Variants in ATXN3 observed in about 807,000 individuals in gnomAD.
ATXN3 encodes ataxin 3.
Under a neutral mutation model 58.2 loss-of-function variants are expected in ATXN3, and 28 were observed. The observed-to-expected ratio is 0.48, with a 90% confidence interval of 0.36 to 0.66. The LOEUF is 0.66. Among genes scored for constraint, ATXN3 ranks in the 30% least tolerant of loss-of-function variants. The pLI is 0.00. For missense variants in ATXN3, 321 were observed against 422.1 expected, an observed-to-expected ratio of 0.76 and a Z score of 2.10; for synonymous variants, 113 against 138.5, an observed-to-expected ratio of 0.82 and a Z score of 1.29.
At chr14:92,046,676 G>A (rs955571959) in intron 2 of ATXN3, among the ~76,000 whole-genome samples, 7 of 151,284 alleles carry the variant, frequency 4.6e-5, no homozygotes, top group African/African-American at 1.7e-4. Context: ...AGCTAGGTTT[G>A]CTTTTGTGAG....
At chr14:92,051,810 C>A (rs952788030), upstream of ATXN3, among the ~76,000 whole-genome samples, 2 of 143,748 alleles carry the variant, frequency 1.4e-5, no homozygotes, top group Non-Finnish European at 3.0e-5. Flanking sequence ...TCACTGCAAC[C>A]TTCGCCTCCC....
intron 9 of ATXN3, among the ~76,000 whole-genome samples, chr14:92,079,185 C>CA (rs35515547): frequency 0.49 from 37,881 of 76,618 alleles, 8,207 homozygotes; most frequent in East Asian, 0.56. Flanking sequence ...GACTCCATCT[C>CA]AAAAAAAAAA....
intron 5 of ATXN3, among the ~76,000 whole-genome samples, chr14:92,092,602 C>G (rs2064088797): frequency 1.3e-5 from 2 of 152,220 alleles, no homozygotes; most frequent in South Asian, 4.1e-4. Flanking sequence ...AATTAACTGA[C>G]AGAACATAGT....
chr14:92,089,332 CTTTT>C (rs1157498754), intron 5 of ATXN3, among the ~76,000 whole-genome samples: 5 of 60,758 alleles, frequency 8.2e-5, no homozygotes, highest in East Asian at 1.6e-3. Context: ...GCTAAATACT[CTTTT>C]TTTTTTTTTT....
In ATXN3 at chr14:92,088,808, A is replaced by T. The variant is rs758482810; in HGVS notation, c.397T>A (p.Leu133Met). Residue 133 changes from leucine (L) to methionine (M), a missense_variant, in exon 6 of 11, where the codon TTG becomes ATG. Leu to Met is a conservative substitution (Grantham distance 15). Coordinates refer to ENST00000644486, the MANE Select transcript of ATXN3 (RefSeq NM_004993.6). ...VRKLGKQWFN[L>M]NSLLTGPELI... ...TCTGGACCCGTCAAGAGAGAATTCA[A>T]GTTAAACCACTGGAAAAAAATTGTC... is the stretch of plus-strand genomic sequence containing the variant. 6.2e-7 allele frequency: 1 copy of T among 1,607,060 alleles called. No individual in the cohort carries two copies. The highest frequency in any genetic ancestry group is 8.5e-7 in the Non-Finnish European group (1 of 1,175,042).
chr14:92,066,531 G>A (rs943843200), intron 10 of ATXN3, among the ~76,000 whole-genome samples: 2 of 149,954 alleles, frequency 1.3e-5, no homozygotes, highest in Non-Finnish European at 3.0e-5. Context: ...AAGACAAATC[G>A]TTAATTTTCC....
At chr14:92,080,556 C>A (rs1169419843) in intron 9 of ATXN3, 1 of 185,562 alleles carries the variant, frequency 5.4e-6, no homozygotes, top group Non-Finnish European at 1.1e-5. Flanking sequence ...TTTTTGGAGA[C>A]GGAGTCTCAC....
chr14:92,104,959 C>T (rs748042622), intron 1 of ATXN3, among the ~76,000 whole-genome samples: 1 of 151,176 alleles, frequency 6.6e-6, no homozygotes, highest in African/African-American at 2.4e-5. Context: ...GTATTTTTCA[C>T]GCACTCTACT....
At chr14:92,071,856 A>G (rs756057085) in intron 9 of ATXN3, among the ~76,000 whole-genome samples, 13 of 152,206 alleles carry the variant, frequency 8.5e-5, no homozygotes, top group Non-Finnish European at 1.8e-4. Context: ...AAAAGTAGCC[A>G]CCTGACATTC....
At chr14:92,093,348 G>T in intron 4 of ATXN3, 30 bp from the exon 5 acceptor site, 1 of 1,077,034 alleles carries the variant, frequency 9.3e-7, no homozygotes, top group South Asian at 1.5e-5. Flanking sequence ...ATATTAACTT[G>T]AAATATTGAA....
intron 8 of ATXN3, among the ~76,000 whole-genome samples, chr14:92,081,479 A>G (rs1283451306): frequency 3.8e-4 from 57 of 150,062 alleles, no homozygotes; most frequent in Non-Finnish European, 1.3e-4. Flanking sequence ...AAAAAAAAAA[A>G]AAAAAAAGAA....
At chr14:92,079,185 C>CAAAAAAAA (rs35515547) in intron 9 of ATXN3, among the ~76,000 whole-genome samples, 5 of 77,044 alleles carry the variant, frequency 6.5e-5, no homozygotes, top group Middle Eastern at 7.7e-3. Flanking sequence ...GACTCCATCT[C>CAAAAAAAA]AAAAAAAAAA....
At chr14:92,064,497 T>C (rs890732163) in intron 10 of ATXN3, 83 bp from the exon 11 acceptor site, 5 of 1,010,560 alleles carry the variant, frequency 4.9e-6, no homozygotes, top group Admixed American at 2.2e-5. Context: ...AGAAAATGTA[T>C]TTCTATTTGA....
At chr14:92,051,810 C>T (rs952788030), upstream of ATXN3, among the ~76,000 whole-genome samples, 1 of 143,748 alleles carries the variant, frequency 7.0e-6, no homozygotes, top group Non-Finnish European at 1.5e-5. Context: ...TCACTGCAAC[C>T]TTCGCCTCCC....
intron 9 of ATXN3, among the ~76,000 whole-genome samples, chr14:92,073,849 AAAC>A (rs1357515949): frequency 6.6e-6 from 1 of 151,234 alleles, no homozygotes; most frequent in African/African-American, 2.4e-5. Flanking sequence ...AAAAAAAACA[AAAC>A]AAAAACAAAA....
intron 5 of ATXN3, chr14:92,090,448 T>G (rs1200239545): frequency 6.6e-6 from 1 of 152,140 alleles, no homozygotes; most frequent in Non-Finnish European, 1.5e-5. Context: ...GTAATCCTAA[T>G]TTAACCCACA....
intron 1 of ATXN3, among the ~76,000 whole-genome samples, chr14:92,097,200 C>G (rs1346271380): frequency 6.6e-6 from 1 of 151,260 alleles, no homozygotes; most frequent in African/African-American, 2.4e-5. Context: ...TGAGCCACTG[C>G]GCCCGGCTCC....
At chr14:92,048,066 G>A (rs1445550860) in intron 1 of ATXN3, 1 of 152,346 alleles carries the variant, frequency 6.6e-6, no homozygotes, top group African/African-American at 2.4e-5. Flanking sequence ...TGCCGGGTTG[G>A]ACAGTCCGAT....
intron 5 of ATXN3, among the ~76,000 whole-genome samples, chr14:92,091,773 C>CCCA (rs2063872427): frequency 3.3e-5 from 5 of 152,094 alleles, no homozygotes; most frequent in African/African-American, 1.2e-4. Context: ...TCATGATTCA[C>CCCA]TGCAGGCTTG....
Sources: allele counts gnomAD v4.1 joint callset (sites outside exome capture counted in the v4.1 genomes callset), GRCh38; gene constraint gnomAD v4.1.1; transcripts MANE v1.5; gene names NCBI Gene and HGNC (gene_info 2026-07-23, HGNC 2026-07-21).